Variants in CYP4F8 observed in about 807,000 individuals in gnomAD.
CYP4F8 encodes cytochrome P450 4F8.
A neutral mutation model predicts 55.0 loss-of-function variants in CYP4F8; 56 were observed. The observed-to-expected ratio is 1.02, with a 90% CI of 0.82 to 1.27. The LOEUF is 1.27. CYP4F8 is among the 50% of genes most tolerant of loss of function. The probability of loss-of-function intolerance (pLI) is 0.00; values close to 1 mark genes in which losing one functional copy is unlikely to be tolerated. For missense variants in CYP4F8, 680 were observed against 682.4 expected (o/e 1.00, Z 0.04); for synonymous variants, 288 against 267.3 (o/e 1.08, Z -0.76).
intron 9 of CYP4F8, among the ~76,000 whole-genome samples, chr19:15,625,347 G>GTGTATATATATATATAT (rs1356590660): frequency 3.2e-4 from 46 of 143,802 alleles, no homozygotes; most frequent in Middle Eastern, 3.8e-3. Context: ...TATATATATA[G>GTGTATATATATATATAT]TGTATATATA....
At chr19:15,622,898 G>A in intron 6 of CYP4F8, 2 of 605,188 alleles carry the variant, frequency 3.3e-6, no homozygotes, top group East Asian at 5.6e-5. Context: ...TTATAAGACA[G>A]AGAGAGGAGA....
Position 15,622,266 on chromosome 19 carries a change from G to C in CYP4F8, c.573G>C (p.Val191=), listed in dbSNP as rs772842974. The C allele has an allele frequency of 6.2e-7, 1 of 1,612,178 alleles. No individual in the cohort carries two copies. Among genetic ancestry groups the C allele is most frequent in the South Asian group, 1.1e-5 (1 of 91,052 alleles). The change falls in exon 6 of 13, where the codon GTG becomes GTC. Residue 191 remains valine (V), a synonymous_variant. Transcript: ENST00000612078. ...LAMEGSTCLD[V]FEHISLMTLD... is the part of the protein sequence containing the mutation. ...TGGAGGGCAGCACCTGTCTGGATGT[G>C]TTTGAGCACATCAGCCTTATGACCC...
intron 9 of CYP4F8, chr19:15,627,813 C>T (rs55818144): frequency 0.15 from 23,656 of 154,962 alleles, 1,877 homozygotes; most frequent in Middle Eastern, 0.21. Flanking sequence ...AACTGGAGTG[C>T]GGTGGAGTGA....
At chr19:15,620,958 A>G (rs1972186145) in intron 5 of CYP4F8, among the ~76,000 whole-genome samples, 1 of 152,076 alleles carries the variant, frequency 6.6e-6, no homozygotes, top group Non-Finnish European at 1.5e-5. Context: ...AAGACACGAG[A>G]CTTCTGGGTC....
At chr19:15,622,825 T>G in intron 6 of CYP4F8, 2 of 484,584 alleles carry the variant, frequency 4.1e-6, no homozygotes, top group Non-Finnish European at 7.5e-6. Context: ...GAGGTCTGAG[T>G]TTGGTGGAGA....
rs1474375737 is a variant in CYP4F8 at position 15,629,501 on chromosome 19, G to GA, written c.*144dup. On this transcript the variant is annotated 3_prime_UTR_variant, in exon 13 of 13. Transcript: ENST00000612078. ...GTAGGGGGCGCTGGAGGACTGCGGG[G>GA]ATCTAGGGCCTGGCTGGGAAGAGGC... 2 of 1,192,996 alleles carry GA rather than the reference G, an allele frequency of 1.7e-6. No homozygotes were observed. The highest frequency in any genetic ancestry group is 2.3e-6 in the Non-Finnish European group (2 of 887,770). 73.9% of individuals were successfully genotyped at this position (1,192,996 alleles called of 1,614,324 possible). A position where few individuals can be genotyped will look rare whatever the true frequency, so the allele number is the denominator to read the frequency against.
chr19:15,628,929 G>A, intron 12 of CYP4F8, 86 bp downstream of exon 12: 2 of 1,417,022 alleles, frequency 1.4e-6, no homozygotes, highest in South Asian at 2.7e-5. Flanking sequence ...GTAGGACCAC[G>A]TGTTTCTGTG....
chr19:15,617,930 C>G, intron 2 of CYP4F8, 70 bp from the exon 3 acceptor site: 1 of 1,549,934 alleles, frequency 6.5e-7, no homozygotes, highest in Admixed American at 1.9e-5. Context: ...TAATGTTTGA[C>G]TGGATATCTG....
intron 5 of CYP4F8, among the ~76,000 whole-genome samples, chr19:15,620,237 GC>G (rs1972176457): frequency 6.6e-6 from 1 of 152,126 alleles, no homozygotes; most frequent in Non-Finnish European, 1.5e-5. Context: ...CATATTTGGA[GC>G]TTTGCTGGCT....
chr19:15,622,994 G>C, intron 6 of CYP4F8, 111 bp from the exon 7 acceptor site: 1 of 1,301,862 alleles, frequency 7.7e-7, no homozygotes, highest in South Asian at 1.5e-5. Flanking sequence ...AAGTGCGCTT[G>C]CAGGACACCC....
chr19:15,619,552 C>T lies in CYP4F8; in HGVS notation c.397+9C>T, dbSNP rs750811508. On this transcript the variant is annotated intron_variant, in intron 4 of 12. Transcript: ENST00000612078. Reference sequence around the variant, plus strand: ...CCTGAAGCCCTGGCTGGGTAAGTAACTGTAGGTGGACGGGACGGGGACCAA... The same window carrying T: ...CCTGAAGCCCTGGCTGGGTAAGTAATTGTAGGTGGACGGGACGGGGACCAA... The T allele has an allele frequency of 4.3e-6, 7 of 1,614,174 alleles. No individual in the cohort carries two copies. Among genetic ancestry groups the T allele is most frequent in the Non-Finnish European group, 5.9e-6 (7 of 1,180,024 alleles).
At position 15,623,707 on chromosome 19, in the gene CYP4F8, T is replaced by A. The variant is rs202242805; in HGVS notation, c.927T>A (p.Asn309Lys). The change falls in exon 8 of 13, where the codon AAT becomes AAA. Residue 309 changes from asparagine to lysine, a missense_variant. Coordinates refer to ENST00000612078, the MANE Select transcript of CYP4F8 (RefSeq NM_007253.4). ...GGGGTTCTTGTCTCCAGGATAAAAA[T>A]GGTAAAGAGTTGTCAGATGAGGACA... ...IDVLLLSEDK[N>K]GKELSDEDIR... is the part of the protein sequence containing the mutation. 41 of 1,613,848 alleles carry A rather than the reference T, an allele frequency of 2.5e-5. No homozygotes were observed. Among genetic ancestry groups the A allele is most frequent in the Middle Eastern group, 1.6e-4 (1 of 6,074 alleles).
At chr19:15,627,170 A>G (rs1008755778) in intron 9 of CYP4F8, 2 of 152,030 alleles carry the variant, frequency 1.3e-5, no homozygotes, top group African/African-American at 4.8e-5. Flanking sequence ...TCAATCTTTT[A>G]TTTAAAAATT....
intron 6 of CYP4F8, 146 bp downstream of exon 6, chr19:15,622,486 G>C: frequency 8.4e-7 from 1 of 1,196,720 alleles, no homozygotes; most frequent in Non-Finnish European, 1.1e-6. Context: ...GAAGGAGAGA[G>C]AGAGAGAGCG....
chr19:15,617,532 A>G (rs1193324429), intron 2 of CYP4F8, among the ~76,000 whole-genome samples: 1 of 147,860 alleles, frequency 6.8e-6, no homozygotes, highest in African/African-American at 2.5e-5. Context: ...CTATCTATCT[A>G]TCAGTCCGTC....
intron 9 of CYP4F8, among the ~76,000 whole-genome samples, chr19:15,624,488 C>G (rs1207118824): frequency 6.6e-6 from 1 of 152,102 alleles, no homozygotes; most frequent in Non-Finnish European, 1.5e-5. Context: ...CTCTTATCAA[C>G]GCGTGTTTTT....
chr19:15,615,714 G>T lies in CYP4F8; in HGVS notation c.98G>T (p.Arg33Leu), dbSNP rs755993126. 4.3e-6 allele frequency: 7 copies of T among 1,614,090 alleles called. No homozygotes were observed. Among genetic ancestry groups the T allele is most frequent in the Non-Finnish European group, 5.9e-6 (7 of 1,179,974 alleles). The stretch of plus-strand genomic sequence containing the variant: ...GTCGGGGCCTCCTGGCTCCTGGCCC[G>T]CATCCTGGCCTGGACCTATGCCTTC... ...LVVGASWLLA[R>L]ILAWTYAFYH... is the part of the protein sequence containing the mutation. Residue 33 changes from arginine to leucine, a missense_variant, in exon 2 of 13, where the codon CGC becomes CTC. Arg to Leu is a moderately radical substitution (Grantham distance 102). Transcript: ENST00000612078.
rs1344500671 is a variant in CYP4F8, at chr19:15,630,408, A to C, written c.*1050A>C. ...GCATACCTCCCACTTATAAGTGAGA[A>C]CATGCAATATTTTGTTTTCTGTTCC... On this transcript the variant is annotated 3_prime_UTR_variant, in exon 13 of 13. Transcript: ENST00000612078. 7.9e-5 allele frequency: 12 copies of C among 152,190 alleles called. No homozygotes were observed. Among genetic ancestry groups the C allele is most frequent in the Admixed American group, 7.2e-4 (11 of 15,286 alleles). 9.4% of individuals were successfully genotyped at this position (152,190 alleles called of 1,614,324 possible). A position where few individuals can be genotyped will look rare whatever the true frequency, so the allele number is the denominator to read the frequency against.
rs750724733 is a variant in CYP4F8 at position 15,630,105 on chromosome 19, G to A, written c.*747G>A. ...TGGTCTCAAACTCCTGGCCTCAAGT[G>A]ATCAGCCCACCTCAGCCTCCCAAAG... is the stretch of plus-strand genomic sequence containing the variant. On this transcript the variant is annotated 3_prime_UTR_variant, in exon 13 of 13. Coordinates refer to ENST00000612078, the MANE Select transcript of CYP4F8 (RefSeq NM_007253.4). 1 of 151,152 alleles carries A rather than the reference G, an allele frequency of 6.6e-6. No individual in the cohort carries two copies. Among genetic ancestry groups the A allele is most frequent in the Non-Finnish European group, 1.5e-5 (1 of 67,470 alleles). 9.4% of individuals were successfully genotyped at this position (151,152 alleles called of 1,614,324 possible). A position where few individuals can be genotyped will look rare whatever the true frequency, so the allele number is the denominator to read the frequency against.
Sources: gnomAD v4.1 joint callset for allele counts (sites outside exome capture counted in the v4.1 genomes callset) on GRCh38, gnomAD v4.1.1 for gene constraint, MANE v1.5 for transcripts, NCBI Gene and HGNC (gene_info 2026-07-23, HGNC 2026-07-21) for gene names.